SPATS2: variants seen among roughly 807,000 people sequenced by gnomAD.
SPATS2 encodes spermatogenesis associated serine rich 2.
Under a neutral mutation model 63.7 loss-of-function variants are expected in SPATS2, and 38 were observed. That is an observed-to-expected ratio of 0.60 (90% CI 0.46 to 0.78). The LOEUF is 0.78. Ranked by LOEUF, SPATS2 falls within the 30% of genes least tolerant of loss-of-function variation. The pLI is 0.00. For missense variants in SPATS2, 588 were observed against 666.2 expected, an observed-to-expected ratio of 0.88 and a Z score of 1.29; for synonymous variants, 207 against 232.9, an observed-to-expected ratio of 0.89 and a Z score of 1.01.
At chr12:49,514,177 G>C (rs991110933) in intron 9 of SPATS2, among the ~76,000 whole-genome samples, 2 of 151,634 alleles carry the variant, frequency 1.3e-5, no homozygotes, top group Non-Finnish European at 2.9e-5. Context: ...AAAAGTATGT[G>C]AGTACATACA....
intron 4 of SPATS2, among the ~76,000 whole-genome samples, chr12:49,485,622 A>G (rs980764427): frequency 1.3e-5 from 2 of 152,076 alleles, no homozygotes; most frequent in Admixed American, 6.5e-5. Flanking sequence ...TCAGCCTCCC[A>G]GAGTGCTAGG....
At chr12:49,456,951 T>C (rs951836487) in intron 2 of SPATS2, among the ~76,000 whole-genome samples, 1 of 152,196 alleles carries the variant, frequency 6.6e-6, no homozygotes, top group African/African-American at 2.4e-5. Context: ...TTTGCTTCAT[T>C]GCATTCATTC....
chr12:49,507,461 G>GTA (rs1474228934), intron 9 of SPATS2, among the ~76,000 whole-genome samples: 1 of 152,108 alleles, frequency 6.6e-6, no homozygotes, highest in Non-Finnish European at 1.5e-5. Flanking sequence ...AGAGGCTGAG[G>GTA]TATAATGAGA....
intron 2 of SPATS2, among the ~76,000 whole-genome samples, chr12:49,414,984 G>A (rs1944863829): frequency 6.9e-6 from 1 of 144,570 alleles, no homozygotes; most frequent in Admixed American, 7.0e-5. Flanking sequence ...ATGTTGCCCA[G>A]GCTGGAGTGC....
chr12:49,482,560 C>T (rs1946224423), intron 3 of SPATS2, among the ~76,000 whole-genome samples: 1 of 152,124 alleles, frequency 6.6e-6, no homozygotes, highest in African/African-American at 2.4e-5. Flanking sequence ...GAGGTACAGC[C>T]CTATCTTGGG....
intron 2 of SPATS2, among the ~76,000 whole-genome samples, chr12:49,448,804 T>G (rs899009990): frequency 6.6e-6 from 1 of 152,172 alleles, no homozygotes; most frequent in Non-Finnish European, 1.5e-5. Flanking sequence ...TTTATTGAAT[T>G]CTGTTGTTGT....
At chr12:49,393,453 A>C (rs1338839537) in intron 2 of SPATS2, among the ~76,000 whole-genome samples, 1 of 152,196 alleles carries the variant, frequency 6.6e-6, no homozygotes, top group African/African-American at 2.4e-5. Flanking sequence ...TCTATAAAGA[A>C]GACTTTTTCC....
chr12:49,494,266 G>A (rs893286778), intron 6 of SPATS2, among the ~76,000 whole-genome samples: 6 of 152,104 alleles, frequency 3.9e-5, no homozygotes, highest in Admixed American at 2.0e-4. Context: ...CATACTTTTT[G>A]ACCTTTGCTA....
At chr12:49,403,095 G>C (rs780265670) in intron 2 of SPATS2, among the ~76,000 whole-genome samples, 2 of 152,106 alleles carry the variant, frequency 1.3e-5, no homozygotes, top group Non-Finnish European at 2.9e-5. Flanking sequence ...TGGGATTTTC[G>C]TGGTGAGTAA....
At chr12:49,426,189 CT>C (rs1945072705) in intron 2 of SPATS2, among the ~76,000 whole-genome samples, 2 of 150,932 alleles carry the variant, frequency 1.3e-5, no homozygotes, top group South Asian at 4.2e-4. Flanking sequence ...TAGTTTTTTT[CT>C]TTGTTTTTGG....
chr12:49,424,075 C>T (rs566258086), intron 2 of SPATS2, among the ~76,000 whole-genome samples: 21 of 152,130 alleles, frequency 1.4e-4, no homozygotes, highest in South Asian at 4.2e-4. Flanking sequence ...TGGTGGTATG[C>T]GCCTGTAATC....
chr12:49,494,507 C>T (rs1344656955), intron 6 of SPATS2, among the ~76,000 whole-genome samples: 1 of 151,704 alleles, frequency 6.6e-6, no homozygotes, highest in Admixed American at 6.6e-5. Context: ...TGGGTTTTGT[C>T]ATGAAGAAAT....
chr12:49,521,611 GCTGA>G (rs1280993426), intron 11 of SPATS2, among the ~76,000 whole-genome samples: 1 of 152,042 alleles, frequency 6.6e-6, no homozygotes, highest in Non-Finnish European at 1.5e-5. Flanking sequence ...ATTTCTGCAG[GCTGA>G]CTAAGGATCT....
At chr12:49,440,385 C>T (rs1481499183) in intron 2 of SPATS2, among the ~76,000 whole-genome samples, 2 of 152,086 alleles carry the variant, frequency 1.3e-5, no homozygotes, top group East Asian at 3.8e-4. Flanking sequence ...AGATCTAATC[C>T]AGGACCATGC....
intron 2 of SPATS2, among the ~76,000 whole-genome samples, chr12:49,380,938 A>AT (rs1202086833): frequency 6.8e-6 from 1 of 148,096 alleles, no homozygotes; most frequent in Admixed American, 6.8e-5. Context: ...ATAATACTAT[A>AT]TTTAACTTTT....
intron 9 of SPATS2, 129 bp from the exon 10 acceptor site, chr12:49,514,426 C>T: frequency 8.4e-6 from 6 of 712,794 alleles, no homozygotes; most frequent in Admixed American, 2.9e-5. Flanking sequence ...GTATGTGATC[C>T]ATACAATATT....
chr12:49,413,416 G>C (rs1235828170), intron 2 of SPATS2, among the ~76,000 whole-genome samples: 1 of 151,920 alleles, frequency 6.6e-6, no homozygotes, highest in Non-Finnish European at 1.5e-5. Context: ...GTAGAGACAG[G>C]GTCTTGCTGT....
chr12:49,448,345 TAGTC>T (rs1204307163), intron 2 of SPATS2, among the ~76,000 whole-genome samples: 2 of 151,946 alleles, frequency 1.3e-5, no homozygotes, highest in African/African-American at 2.4e-5. Context: ...TTCACCGTGT[TAGTC>T]AGGATGGTCT....
At chr12:49,434,842 A>G (rs933666318) in intron 2 of SPATS2, among the ~76,000 whole-genome samples, 1 of 152,194 alleles carries the variant, frequency 6.6e-6, no homozygotes, top group African/African-American at 2.4e-5. Flanking sequence ...AGTAAGCAGT[A>G]ACAAATTTAT....
Sources: gnomAD v4.1 joint callset for allele counts (sites outside exome capture counted in the v4.1 genomes callset) on GRCh38, gnomAD v4.1.1 for gene constraint, MANE v1.5 for transcripts, NCBI Gene and HGNC (gene_info 2026-07-23, HGNC 2026-07-21) for gene names.